PDE1C: variants seen among roughly 807,000 people sequenced by gnomAD.
PDE1C encodes dual specificity calcium/calmodulin-dependent 3',5'-cyclic nucleotide phosphodiesterase 1C.
Under a neutral mutation model 93.1 loss-of-function variants are expected in PDE1C, and 62 were observed. That is an observed-to-expected ratio of 0.67 (90% CI 0.54 to 0.82). PDE1C has a LOEUF of 0.82. Ranked by LOEUF, PDE1C falls within the 40% of genes least tolerant of loss-of-function variation. The probability of loss-of-function intolerance (pLI) is 0.00; values close to 1 mark genes in which losing one functional copy is unlikely to be tolerated. For missense variants in PDE1C, 742 were observed against 884.6 expected, an observed-to-expected ratio of 0.84 and a Z score of 2.04; for synonymous variants, 325 against 310.1, an observed-to-expected ratio of 1.05 and a Z score of -0.50.
intron 3 of PDE1C, among the ~76,000 whole-genome samples, chr7:32,105,834 T>G (rs945239965): frequency 6.6e-6 from 1 of 151,666 alleles, no homozygotes; most frequent in Non-Finnish European, 1.5e-5. Context: ...TCTGGAAAAT[T>G]TTTTTCTTAG....
chr7:32,051,636 A>C, intron 1 of PDE1C, 56 bp from the exon 2 acceptor site: 2 of 1,485,540 alleles, frequency 1.3e-6, no homozygotes, highest in South Asian at 2.3e-5. Flanking sequence ...GCAGTGGGTA[A>C]GAAAGGGATT....
At chr7:32,095,077 T>C (rs1797679066) in intron 3 of PDE1C, among the ~76,000 whole-genome samples, 1 of 152,240 alleles carries the variant, frequency 6.6e-6, no homozygotes, top group Non-Finnish European at 1.5e-5. Context: ...CTCTAGACTA[T>C]AAATCAACTC....
chr7:32,062,777 G>A (rs943627426), intron 1 of PDE1C, among the ~76,000 whole-genome samples: 4 of 152,172 alleles, frequency 2.6e-5, no homozygotes, highest in African/African-American at 9.7e-5. Context: ...ATTCCCTGGT[G>A]CTTAGCACAG....
At chr7:32,106,298 C>A (rs901069814) in intron 3 of PDE1C, among the ~76,000 whole-genome samples, 2 of 152,282 alleles carry the variant, frequency 1.3e-5, no homozygotes, top group South Asian at 2.1e-4. Context: ...ACTGCCTCAG[C>A]CTCCTAAAGT....
intron 2 of PDE1C, among the ~76,000 whole-genome samples, chr7:31,998,240 C>T (rs566518664): frequency 1.1e-3 from 171 of 152,122 alleles, no homozygotes; most frequent in East Asian, 4.1e-3. Flanking sequence ...AGGATGGTCT[C>T]GATCTCCTGA....
At chr7:32,242,177 G>C (rs569724222) in intron 1 of PDE1C, among the ~76,000 whole-genome samples, 1 of 152,148 alleles carries the variant, frequency 6.6e-6, no homozygotes, top group Non-Finnish European at 1.5e-5. Context: ...AGAGGGGAGA[G>C]AGAGTTGAAA....
intron 2 of PDE1C, among the ~76,000 whole-genome samples, chr7:31,927,594 G>C (rs1299422764): frequency 2.6e-5 from 4 of 152,218 alleles, no homozygotes; most frequent in Non-Finnish European, 5.9e-5. Flanking sequence ...AGCTTCCAGA[G>C]GAAGAAGCAG....
the PDE1C span, among the ~76,000 whole-genome samples, chr7:31,712,404 T>C: frequency 6.6e-6 from 1 of 152,236 alleles, no homozygotes; most frequent in Non-Finnish European, 1.5e-5. Flanking sequence ...ATAGACTAGA[T>C]AGTCGCTATG....
At chr7:32,039,477 T>C (rs1791545589) in intron 2 of PDE1C, among the ~76,000 whole-genome samples, 1 of 152,164 alleles carries the variant, frequency 6.6e-6, no homozygotes, top group African/African-American at 2.4e-5. Context: ...AAAGAACTGA[T>C]TGTAGAAAAG....
chr7:31,845,532 G>T (rs991297345), intron 9 of PDE1C, among the ~76,000 whole-genome samples: 1 of 152,070 alleles, frequency 6.6e-6, no homozygotes, highest in Non-Finnish European at 1.5e-5. Flanking sequence ...TTGTCAGGGG[G>T]TCAGGGGCTA....
intron 1 of PDE1C, among the ~76,000 whole-genome samples, chr7:32,410,328 T>C (rs1021633968): frequency 8.0e-5 from 11 of 137,684 alleles, no homozygotes; most frequent in African/African-American, 3.5e-4. Context: ...GAGACCCGCA[T>C]CTCTGAATTT....
rs183764217 is a variant in PDE1C at position 32,145,498 on chromosome 7, A to G, written c.308+24287T>C. On this transcript the variant is annotated intron_variant, in intron 3 of 18. Coordinates refer to the PDE1C transcript ENST00000396193. The stretch of plus-strand genomic sequence containing the variant: ...CCGTCTGAGCAAAGCTCCCACTCTC[A>G]GGTTCAAATGAGTGTTTTTTCACAT... Among the ~76,000 whole-genome samples the G allele has an allele frequency of 1.5e-3, 231 of 152,314 alleles. 1 individual carries two copies. The highest frequency in any genetic ancestry group is 5.4e-3 in the African/African-American group (225 of 41,566).
chr7:31,666,046 A>G, the PDE1C span, among the ~76,000 whole-genome samples: 1 of 152,176 alleles, frequency 6.6e-6, no homozygotes, highest in African/African-American at 2.4e-5. Flanking sequence ...CTTTGTCCCA[A>G]GACCAGGGAG....
chr7:31,965,267 C>G (rs1809733690), intron 2 of PDE1C, among the ~76,000 whole-genome samples: 1 of 152,084 alleles, frequency 6.6e-6, no homozygotes, highest in Admixed American at 6.5e-5. Flanking sequence ...CCTTAAAGGA[C>G]CTGATGGAGC....
intron 9 of PDE1C, among the ~76,000 whole-genome samples, chr7:31,843,822 A>T (rs1792216090): frequency 6.6e-6 from 1 of 151,592 alleles, no homozygotes; most frequent in Non-Finnish European, 1.5e-5. Flanking sequence ...ATTTTAATTT[A>T]TCTACTGCTA....
chr7:31,949,887 C>T (rs551810797), intron 2 of PDE1C, among the ~76,000 whole-genome samples: 28 of 152,240 alleles, frequency 1.8e-4, no homozygotes, highest in Admixed American at 1.6e-3. Context: ...TAAACAGTTG[C>T]TAGTTTACTT....
the PDE1C span, chr7:31,692,351 T>A: frequency 1.9e-6 from 2 of 1,027,834 alleles, no homozygotes; most frequent in Non-Finnish European, 3.0e-6. Flanking sequence ...AGCAAATGAT[T>A]GAATGAATGA....
At chr7:32,072,480 T>C (rs528973045), upstream of PDE1C, among the ~76,000 whole-genome samples, 5 of 152,240 alleles carry the variant, frequency 3.3e-5, no homozygotes, top group African/African-American at 1.2e-4. Context: ...CCTGGGGAAA[T>C]AGAATGTCAC....
chr7:32,314,017 T>G (rs1783113584), intron 1 of PDE1C, among the ~76,000 whole-genome samples: 1 of 151,948 alleles, frequency 6.6e-6, no homozygotes, highest in Non-Finnish European at 1.5e-5. Flanking sequence ...GATGTAGAAT[T>G]AGTTACTACT....
Sources: allele counts gnomAD v4.1 joint callset (sites outside exome capture counted in the v4.1 genomes callset), GRCh38; gene constraint gnomAD v4.1.1; transcripts MANE v1.5; gene names NCBI Gene and HGNC (gene_info 2026-07-23, HGNC 2026-07-21).